Variants in CNTN5 observed in about 807,000 individuals in gnomAD.
The protein encoded by CNTN5 is contactin 5, also known as contactin-5.
CNTN5 carries 77 observed loss-of-function variants against 129.1 expected under a neutral mutation model. The observed-to-expected ratio is 0.60, with a 90% CI of 0.50 to 0.72. CNTN5 has a LOEUF of 0.72. CNTN5 is among the 30% of genes least tolerant of loss of function. The pLI is 0.00. For synonymous variants in CNTN5, 509 were observed against 465.6 expected (o/e 1.09, Z -1.20); for missense variants, 1,478 against 1,328.8 (o/e 1.11, Z -1.75).
chr11:99,061,654 G>A (rs1296714850), intron 1 of CNTN5, among the ~76,000 whole-genome samples: 2 of 152,080 alleles, frequency 1.3e-5, no homozygotes, highest in Non-Finnish European at 1.5e-5. Flanking sequence ...TTCGATGTGA[G>A]GACAATTTTC....
chr11:99,913,511 G>T lies in CNTN5; in HGVS notation c.578-2543G>T, dbSNP rs933979120. 2.0e-5 allele frequency among the ~76,000 whole-genome samples: 3 copies of T among 151,924 alleles called. No individual in the cohort carries two copies. In the East Asian group the frequency reaches 5.8e-4, roughly 29 times the overall value. ...TTATCTTTGGGCTTCTGGTGCTAAA[G>T]TTCCCAGGAAATAATGACACAGAGA... On this transcript the variant is annotated intron_variant, in intron 6 of 24. Coordinates refer to ENST00000524871, the MANE Select transcript of CNTN5 (RefSeq NM_014361.4).
chr11:99,816,967 A>G (rs1483899599), intron 3 of CNTN5, among the ~76,000 whole-genome samples: 1 of 152,180 alleles, frequency 6.6e-6, no homozygotes, highest in African/African-American at 2.4e-5. Flanking sequence ...AACTTTCAGG[A>G]CTCAGTTTAG....
At chr11:99,634,299 A>G (rs1951469627) in intron 3 of CNTN5, among the ~76,000 whole-genome samples, 3 of 152,168 alleles carry the variant, frequency 2.0e-5, no homozygotes, top group Admixed American at 6.5e-5. Flanking sequence ...ATGAAAGTCA[A>G]GGGATGAGGG....
intron 21 of CNTN5, among the ~76,000 whole-genome samples, chr11:100,334,605 A>G (rs1951988782): frequency 6.6e-6 from 1 of 152,210 alleles, no homozygotes; most frequent in Non-Finnish European, 1.5e-5. Context: ...CATATTAAAA[A>G]AAAGAATGAA....
intron 3 of CNTN5, among the ~76,000 whole-genome samples, chr11:99,569,753 T>C (rs1371447078): frequency 1.3e-5 from 2 of 152,066 alleles, no homozygotes; most frequent in Non-Finnish European, 2.9e-5. Context: ...TTTTCTTGGG[T>C]TTAGAGGGAC....
chr11:99,869,366 T>C (rs1243255183), intron 6 of CNTN5, among the ~76,000 whole-genome samples: 1 of 152,194 alleles, frequency 6.6e-6, no homozygotes, highest in Admixed American at 6.5e-5. Flanking sequence ...CTTTGTGTTA[T>C]AGATTGTTGG....
chr11:99,356,568 A>G (rs1938687163), intron 2 of CNTN5, among the ~76,000 whole-genome samples: 1 of 152,188 alleles, frequency 6.6e-6, no homozygotes, highest in African/African-American at 2.4e-5. Context: ...CAGTGCAATG[A>G]CTTCGTTTTT....
intron 7 of CNTN5, among the ~76,000 whole-genome samples, chr11:99,918,953 T>G (rs1949864074): frequency 6.6e-6 from 1 of 152,132 alleles, no homozygotes; most frequent in Non-Finnish European, 1.5e-5. Flanking sequence ...TGTAACCACA[T>G]TCCTGCACCT....
intron 7 of CNTN5, among the ~76,000 whole-genome samples, chr11:99,945,944 G>A (rs1950544799): frequency 6.6e-6 from 1 of 151,592 alleles, no homozygotes; most frequent in South Asian, 2.1e-4. Flanking sequence ...TACAAAGAAG[G>A]CATAAGTACA....
chr11:99,073,340 G>A (rs114667090), intron 1 of CNTN5, among the ~76,000 whole-genome samples: 1,681 of 140,100 alleles, frequency 0.012, 36 homozygotes, highest in African/African-American at 0.04. Context: ...ATGTGCATGC[G>A]TTATATTTGA....
chr11:99,575,295 C>T (rs1328011738), intron 3 of CNTN5, among the ~76,000 whole-genome samples: 2 of 151,970 alleles, frequency 1.3e-5, no homozygotes, highest in Admixed American at 6.6e-5. Context: ...AAGAAGTCAC[C>T]AGGCTAAATG....
intron 2 of CNTN5, among the ~76,000 whole-genome samples, chr11:99,504,006 TTG>T (rs981836446): frequency 2.0e-5 from 3 of 152,146 alleles, no homozygotes; most frequent in African/African-American, 7.2e-5. Flanking sequence ...TGCTTTATAT[TTG>T]TGTGTTAATT....
At chr11:99,430,961 T>C (rs1048512098) in intron 2 of CNTN5, among the ~76,000 whole-genome samples, 1 of 148,888 alleles carries the variant, frequency 6.7e-6, no homozygotes, top group Non-Finnish European at 1.5e-5. Context: ...ACCCATCAAG[T>C]AGCCAAAAAA....
At chr11:99,844,076 A>T (rs564132053) in intron 4 of CNTN5, among the ~76,000 whole-genome samples, 7 of 152,272 alleles carry the variant, frequency 4.6e-5, no homozygotes, top group African/African-American at 1.7e-4. Context: ...TGAAATTTTC[A>T]TTAGCTTCAA....
intron 2 of CNTN5, among the ~76,000 whole-genome samples, chr11:99,467,333 T>G (rs779538445): frequency 1.3e-5 from 2 of 152,200 alleles, no homozygotes; most frequent in Non-Finnish European, 2.9e-5. Context: ...TTTCCCCTTA[T>G]ATTTAGGACT....
intron 4 of CNTN5, among the ~76,000 whole-genome samples, chr11:99,827,824 C>A (rs921363641): frequency 1.3e-5 from 2 of 152,070 alleles, no homozygotes; most frequent in Non-Finnish European, 2.9e-5. Context: ...ATGTTTGTGA[C>A]GCAAATTTTT....
At chr11:99,134,585 A>G (rs1282378496) in intron 1 of CNTN5, among the ~76,000 whole-genome samples, 1 of 152,212 alleles carries the variant, frequency 6.6e-6, no homozygotes, top group African/African-American at 2.4e-5. Context: ...GGCACTGTGG[A>G]TCAAGTACCT....
intron 3 of CNTN5, among the ~76,000 whole-genome samples, chr11:99,721,358 A>G (rs1943166085): frequency 6.6e-6 from 1 of 152,128 alleles, no homozygotes; most frequent in Non-Finnish European, 1.5e-5. Context: ...TCTTTTACAA[A>G]ACTGACAAAA....
At chr11:100,091,322 A>G (rs1944773178) in intron 13 of CNTN5, among the ~76,000 whole-genome samples, 1 of 149,604 alleles carries the variant, frequency 6.7e-6, no homozygotes, top group Admixed American at 6.7e-5. Context: ...ATCTGAAATT[A>G]TTACCCCTAT....
Sources: allele counts gnomAD v4.1 joint callset (sites outside exome capture counted in the v4.1 genomes callset), GRCh38; gene constraint gnomAD v4.1.1; transcripts MANE v1.5; gene names NCBI Gene and HGNC (gene_info 2026-07-23, HGNC 2026-07-21).